The following STK32A variants were observed in gnomAD, a reference collection of about 807,000 sequenced individuals.
STK32A encodes serine/threonine-protein kinase 32A.
In STK32A, 41 loss-of-function variants were observed where a neutral mutation model predicts 53.2. The ratio of observed to expected loss-of-function variants is 0.77; its 90% confidence interval spans 0.60 to 1.00. The LOEUF (loss-of-function observed/expected upper bound fraction) is 1.00, where lower values mean the gene tolerates loss of function less well. Among genes scored for constraint, STK32A ranks in the 50% least tolerant of loss-of-function variants. The pLI is 0.00. For synonymous variants in STK32A, 166 were observed against 162.8 expected (o/e 1.02, Z -0.15); for missense variants, 458 against 485.8 (o/e 0.94, Z 0.54).
Position 147,375,203 on chromosome 5 carries a change from A to G in STK32A, c.1017A>G (p.Lys339=). ...RLAKKEKDMR[K]CDSSQTCLLQ... is the part of the protein sequence containing the mutation. ...CAAAGAAGGAGAAGGATATGAGGAA[A>G]TGCGATTCTTCTCAGGTAAGCAGGT... Residue 339 remains lysine (K), a synonymous_variant, in exon 11 of 13, where the codon AAA becomes AAG. Transcript: ENST00000397936. 6.2e-7 allele frequency: 1 copy of G among 1,611,000 alleles called. No individual in the cohort carries two copies. The highest frequency in any genetic ancestry group is 8.5e-7 in the Non-Finnish European group (1 of 1,178,616).
intron 2 of STK32A, among the ~76,000 whole-genome samples, chr5:147,245,969 T>C (rs1323154325): frequency 6.6e-6 from 1 of 152,230 alleles, no homozygotes; most frequent in African/African-American, 2.4e-5. Flanking sequence ...GGTTGCTAAA[T>C]TGATTCCAGC....
At chr5:147,255,309 AAAG>A (rs1363507529) in intron 2 of STK32A, among the ~76,000 whole-genome samples, 1 of 152,126 alleles carries the variant, frequency 6.6e-6, no homozygotes, top group African/African-American at 2.4e-5. Context: ...TCATTTTCCA[AAAG>A]AAGAAGCTTC....
intron 2 of STK32A, among the ~76,000 whole-genome samples, chr5:147,255,326 G>A (rs1754181354): frequency 6.6e-6 from 1 of 152,074 alleles, no homozygotes; most frequent in Admixed American, 6.6e-5. Context: ...AAGCTTCTCT[G>A]GATAAGGTGG....
intron 5 of STK32A, among the ~76,000 whole-genome samples, chr5:147,325,561 T>A (rs1246078144): frequency 6.6e-6 from 1 of 152,242 alleles, no homozygotes; most frequent in East Asian, 1.9e-4. Context: ...ATTTTTATTT[T>A]TTTGGGCCTT....
At chr5:147,306,450 G>T (rs1021195805) in intron 4 of STK32A, among the ~76,000 whole-genome samples, 5 of 151,808 alleles carry the variant, frequency 3.3e-5, no homozygotes, top group African/African-American at 9.6e-5. Flanking sequence ...AAGATATGTG[G>T]CAAAGAGAAA....
At chr5:147,398,330 A>G in the STK32A span, among the ~76,000 whole-genome samples, 17 of 152,210 alleles carry the variant, frequency 1.1e-4, no homozygotes, top group African/African-American at 4.1e-4. Context: ...GCCAATAATT[A>G]AGAACATCAG....
chr5:147,272,212 G>T (rs764623810), intron 2 of STK32A, among the ~76,000 whole-genome samples: 3 of 152,112 alleles, frequency 2.0e-5, no homozygotes, highest in Non-Finnish European at 4.4e-5. Context: ...GAGTAGCTGG[G>T]ATTATAGGCG....
chr5:147,245,030 G>A (rs1488602944), intron 2 of STK32A, among the ~76,000 whole-genome samples: 3 of 152,106 alleles, frequency 2.0e-5, no homozygotes, highest in Admixed American at 6.5e-5. Context: ...TCTATTGACT[G>A]GATTAACAGA....
chr5:147,397,910 C>T, the STK32A span: 2 of 1,432,024 alleles, frequency 1.4e-6, no homozygotes, highest in Non-Finnish European at 1.9e-6. Flanking sequence ...ACCTTCTCTC[C>T]TTGAGACCTT....
the STK32A span, chr5:147,401,395 A>G: frequency 1.1e-6 from 1 of 935,356 alleles, no homozygotes; most frequent in Non-Finnish European, 1.5e-6. Flanking sequence ...TTCTACGCTC[A>G]AGACTGTAAA....
At chr5:147,296,332 G>T (rs926038331) in intron 4 of STK32A, among the ~76,000 whole-genome samples, 2 of 151,888 alleles carry the variant, frequency 1.3e-5, no homozygotes, top group Non-Finnish European at 2.9e-5. Flanking sequence ...CAGCTTGAGA[G>T]ATTCAAGCAC....
At chr5:147,316,621 G>A (rs937353353) in intron 4 of STK32A, among the ~76,000 whole-genome samples, 5 of 151,954 alleles carry the variant, frequency 3.3e-5, no homozygotes, top group Non-Finnish European at 7.4e-5. Context: ...AAATCATTTT[G>A]AAAAGTGGTA....
chr5:147,258,585 T>C (rs1754344286), intron 2 of STK32A, among the ~76,000 whole-genome samples: 1 of 152,218 alleles, frequency 6.6e-6, no homozygotes, highest in Admixed American at 6.5e-5. Context: ...GCCTCAACTT[T>C]CTGACTTGTT....
chr5:147,277,997 G>T, intron 2 of STK32A, 127 bp from the exon 3 acceptor site: 1 of 743,680 alleles, frequency 1.3e-6, no homozygotes. Flanking sequence ...GATTAGATTG[G>T]CATTTTAAGG....
chr5:147,346,881 G>A (rs1442499360), intron 6 of STK32A, among the ~76,000 whole-genome samples: 1 of 152,180 alleles, frequency 6.6e-6, no homozygotes, highest in Non-Finnish European at 1.5e-5. Context: ...AAGGAATAGA[G>A]GCAAAAACTC....
rs149893162 is a variant in STK32A at position 147,347,578 on chromosome 5, A to G, written c.473-3487A>G. On this transcript the variant is annotated intron_variant, in intron 6 of 12. Transcript: ENST00000397936. The stretch of plus-strand genomic sequence containing the variant: ...TAGCATGCATCCTGCAATGCACAGG[A>G]CAGTTCGCACTACAAAAAATTATCA... Among the ~76,000 whole-genome samples the G allele has an allele frequency of 4.6e-5, 7 of 152,306 alleles. No homozygotes were observed. The East Asian group carries it at 1.4e-3, about 29-fold the overall frequency.
At chr5:147,250,428 T>C (rs776877845) in intron 2 of STK32A, among the ~76,000 whole-genome samples, 14 of 152,094 alleles carry the variant, frequency 9.2e-5, no homozygotes, top group Non-Finnish European at 1.8e-4. Flanking sequence ...TGGATAGCAA[T>C]CTAGCTATGG....
intron 7 of STK32A, among the ~76,000 whole-genome samples, chr5:147,351,637 AAAAGAT>A (rs1354982917): frequency 2.0e-5 from 3 of 152,150 alleles, no homozygotes; most frequent in Non-Finnish European, 4.4e-5. Flanking sequence ...TCATGAGGTC[AAAAGAT>A]TGAGACCATC....
chr5:147,287,838 A>G (rs78161998), intron 4 of STK32A, among the ~76,000 whole-genome samples: 16,084 of 148,888 alleles, frequency 0.11, 940 homozygotes, highest in Admixed American at 0.15. Context: ...TTCTTCTTAA[A>G]AAGTTTAACC....
Sources: gnomAD v4.1 joint callset for allele counts (sites outside exome capture counted in the v4.1 genomes callset) on GRCh38, gnomAD v4.1.1 for gene constraint, MANE v1.5 for transcripts, NCBI Gene and HGNC (gene_info 2026-07-23, HGNC 2026-07-21) for gene names.